MGAT4C: variants seen among roughly 807,000 people sequenced by gnomAD.
MGAT4C encodes MGAT4 family member C.
MGAT4C carries 19 observed loss-of-function variants against 40.1 expected under a neutral mutation model. The observed-to-expected ratio is 0.47, with a 90% CI of 0.33 to 0.70. The LOEUF (loss-of-function observed/expected upper bound fraction) is 0.70. Ranked by LOEUF, MGAT4C falls within the 30% of genes least tolerant of loss-of-function variation. MGAT4C has a pLI of 0.02. For synonymous variants in MGAT4C, 181 were observed against 187.1 expected, an observed-to-expected ratio of 0.97 and a Z score of 0.27; for missense variants, 491 against 563.2, an observed-to-expected ratio of 0.87 and a Z score of 1.30.
intron 1 of MGAT4C, among the ~76,000 whole-genome samples, chr12:86,755,499 A>G (rs568636512): frequency 1.3e-5 from 2 of 151,582 alleles, no homozygotes; most frequent in African/African-American, 4.8e-5. Context: ...TAATTTTCTC[A>G]CCCCAGTGCT....
rs527507181 is a variant in MGAT4C, at chr12:86,190,483, C to T, written c.-57+65756G>A. On this transcript the variant is annotated intron_variant, in intron 1 of 4. Coordinates refer to ENST00000611864, the MANE Select transcript of MGAT4C (RefSeq NM_001351288.2). Reference sequence around the variant, plus strand: ...AATGGTATAATTTCATCAGATCATACATCATTCCTTTAACCATCTCTGGAG... The same window carrying T: ...AATGGTATAATTTCATCAGATCATATATCATTCCTTTAACCATCTCTGGAG... Among the ~76,000 whole-genome samples, 7 of 152,174 alleles carry T rather than the reference C, an allele frequency of 4.6e-5. No homozygotes were observed. In the East Asian group the frequency reaches 1.2e-3, roughly 25 times the overall value.
At chr12:86,584,936 ACTT>A (rs985046759) in intron 2 of MGAT4C, among the ~76,000 whole-genome samples, 4 of 151,318 alleles carry the variant, frequency 2.6e-5, no homozygotes, top group African/African-American at 7.3e-5. Context: ...AGCAATATTA[ACTT>A]CTTATCTGTT....
intron 3 of MGAT4C, among the ~76,000 whole-genome samples, chr12:86,351,075 T>C (rs538590885): frequency 6.6e-6 from 1 of 152,048 alleles, no homozygotes; most frequent in South Asian, 2.1e-4. Flanking sequence ...TCTAAATCCT[T>C]CTCTAGTATA....
At chr12:85,987,682 ACTT>A (rs767370838) in intron 3 of MGAT4C, among the ~76,000 whole-genome samples, 1 of 152,130 alleles carries the variant, frequency 6.6e-6, no homozygotes, top group East Asian at 1.9e-4. Flanking sequence ...ATACTCTACT[ACTT>A]CTTACTCATT....
At chr12:86,605,787 A>AT (rs1962021673) in intron 2 of MGAT4C, among the ~76,000 whole-genome samples, 1 of 151,986 alleles carries the variant, frequency 6.6e-6, no homozygotes, top group South Asian at 2.1e-4. Context: ...TCAAGCAGTT[A>AT]TTTTTTTCAC....
intron 1 of MGAT4C, among the ~76,000 whole-genome samples, chr12:86,201,912 A>G (rs839156): frequency 0.76 from 115,452 of 151,920 alleles, 44,348 homozygotes; most frequent in Middle Eastern, 0.83. Context: ...TTTATGCCAC[A>G]GCAAATGGTA....
chr12:86,606,316 A>G (rs1962045489), intron 2 of MGAT4C, among the ~76,000 whole-genome samples: 2 of 152,152 alleles, frequency 1.3e-5, no homozygotes, highest in South Asian at 4.1e-4. Flanking sequence ...AACCTATTTC[A>G]TATATTTCTA....
At chr12:86,098,512 C>T (rs1254657679) in intron 1 of MGAT4C, among the ~76,000 whole-genome samples, 1 of 151,510 alleles carries the variant, frequency 6.6e-6, no homozygotes, top group Non-Finnish European at 1.5e-5. Context: ...CATTTTGGTT[C>T]CCCTTGTTTC....
At chr12:86,689,587 TGGA>T (rs1950137785) in intron 2 of MGAT4C, among the ~76,000 whole-genome samples, 2 of 152,222 alleles carry the variant, frequency 1.3e-5, no homozygotes, top group South Asian at 4.1e-4. Flanking sequence ...GCAGGTCTGT[TGGA>T]GTTTGCTGGA....
chr12:86,415,335 A>C (rs1055543841), intron 3 of MGAT4C, among the ~76,000 whole-genome samples: 1 of 152,038 alleles, frequency 6.6e-6, no homozygotes, highest in African/African-American at 2.4e-5. Context: ...TTTATTAATA[A>C]TAATGGTATG....
intron 2 of MGAT4C, among the ~76,000 whole-genome samples, chr12:86,713,932 G>A (rs1950600809): frequency 6.6e-6 from 1 of 151,842 alleles, no homozygotes; most frequent in Non-Finnish European, 1.5e-5. Flanking sequence ...GGCCTGTGAT[G>A]TAGACAGGTA....
At chr12:86,636,543 A>T in intron 2 of MGAT4C, among the ~76,000 whole-genome samples, 1 of 152,020 alleles carries the variant, frequency 6.6e-6, no homozygotes, top group Non-Finnish European at 1.5e-5. Flanking sequence ...TAAGAAAAGA[A>T]ACCAGAGCTT....
intron 1 of MGAT4C, among the ~76,000 whole-genome samples, chr12:86,166,176 T>C (rs913954884): frequency 1.3e-5 from 2 of 152,196 alleles, no homozygotes; most frequent in African/African-American, 4.8e-5. Context: ...TATATAGAAG[T>C]ATAGTCAACT....
chr12:85,984,376 TTGTG>T (rs546269888), intron 3 of MGAT4C, among the ~76,000 whole-genome samples: 2 of 149,920 alleles, frequency 1.3e-5, no homozygotes, highest in African/African-American at 4.9e-5. Flanking sequence ...ATAGTTAAGT[TTGTG>T]TGTGTGTGTG....
intron 3 of MGAT4C, among the ~76,000 whole-genome samples, chr12:86,387,771 G>T (rs1272019454): frequency 6.6e-6 from 1 of 152,076 alleles, no homozygotes; most frequent in Non-Finnish European, 1.5e-5. Flanking sequence ...GAAAAAAGTA[G>T]ATCATCCATT....
intron 1 of MGAT4C, among the ~76,000 whole-genome samples, chr12:86,095,229 T>G (rs1873698028): frequency 6.6e-6 from 1 of 152,120 alleles, no homozygotes; most frequent in African/African-American, 2.4e-5. Flanking sequence ...TGAACAATGC[T>G]TGGAGATCCA....
rs1565921531 is a variant in MGAT4C, at chr12:86,680,625, A to G, written c.-229+46584T>C. Among the ~76,000 whole-genome samples the G allele has an allele frequency of 2.6e-5, 4 of 152,202 alleles. 1 individual carries two copies. The highest frequency in any genetic ancestry group is 5.9e-5 in the Non-Finnish European group (4 of 67,950). ...TTTTTAAAAAGTAAATTCTTCAAAT[A>G]AATTATCTTCTAAGTAAACAAAGGC... On this transcript the variant is annotated intron_variant, in intron 2 of 7. Transcript: ENST00000548651.
At position 86,096,079 on chromosome 12, in the gene MGAT4C, T is replaced by C. The variant is rs143239415; in HGVS notation, c.-56-46356A>G. Among the ~76,000 whole-genome samples the C allele has an allele frequency of 6.0e-3, 910 of 151,938 alleles. 4 individuals carry two copies. The highest frequency in any genetic ancestry group is 9.4e-3 in the Non-Finnish European group (639 of 67,746). ...CTTGGCTTATATTTTATATCCCTTG[T>C]TATCTAAAATATATTACTCCATTGT... On this transcript the variant is annotated intron_variant, in intron 1 of 4. Coordinates refer to ENST00000611864, the MANE Select transcript of MGAT4C (RefSeq NM_001351288.2).
intron 2 of MGAT4C, among the ~76,000 whole-genome samples, chr12:86,498,569 G>A (rs1021220978): frequency 6.6e-6 from 1 of 151,822 alleles, no homozygotes; most frequent in Non-Finnish European, 1.5e-5. Flanking sequence ...ATACCTGGCT[G>A]CCATTTGCAA....
Sources: gnomAD v4.1 joint callset for allele counts (sites outside exome capture counted in the v4.1 genomes callset) on GRCh38, gnomAD v4.1.1 for gene constraint, MANE v1.5 for transcripts, NCBI Gene and HGNC (gene_info 2026-07-23, HGNC 2026-07-21) for gene names.